Variants in TNN observed in about 807,000 individuals in gnomAD.
TNN encodes the protein tenascin N.
TNN carries 122 observed loss-of-function variants against 134.4 expected under a neutral mutation model. The ratio of observed to expected loss-of-function variants is 0.91; its 90% CI spans 0.78 to 1.06. The LOEUF is 1.06. Among genes scored for constraint, TNN ranks in the 50% least tolerant of loss-of-function variants. TNN has a pLI of 0.00. For missense variants in TNN, 1,739 were observed against 1,699.4 expected (o/e 1.02, Z -0.41); for synonymous variants, 710 against 670.3 (o/e 1.06, Z -0.91).
intron 15 of TNN, among the ~76,000 whole-genome samples, chr1:175,131,220 G>A (rs576327395): frequency 2.0e-5 from 3 of 152,278 alleles, no homozygotes; most frequent in African/African-American, 7.2e-5. Flanking sequence ...CTGGTGGGAG[G>A]CTGGAAAGAA....
At chr1:175,126,104 C>CT (rs11410834) in intron 12 of TNN, among the ~76,000 whole-genome samples, 52,075 of 133,036 alleles carry the variant, frequency 0.39, 11,218 homozygotes, top group East Asian at 0.67. Flanking sequence ...TTGTTTCTTT[C>CT]TTTTTTTTTT....
In TNN at chr1:175,105,555, G is replaced by A. The variant is rs547485562; in HGVS notation, c.2119+6960G>A. Among the ~76,000 whole-genome samples the A allele has an allele frequency of 4.8e-5, 7 of 145,508 alleles. 2 individuals are homozygous for A. The East Asian group carries it at 1.6e-3, about 34-fold the overall frequency. ...TTCTCCCTCAATGAAAAGAAAGCTT[G>A]GACATAAGGTATTTCACTCCATTTG... On this transcript the variant is annotated intron_variant, in intron 9 of 18. Transcript: ENST00000239462.
At chr1:175,087,046 C>T (rs1674336498) in intron 6 of TNN, among the ~76,000 whole-genome samples, 1 of 152,214 alleles carries the variant, frequency 6.6e-6, no homozygotes, top group Admixed American at 6.5e-5. Context: ...AAGGACAGAG[C>T]TGGGATTTGA....
chr1:175,109,674 T>A (rs550109949), intron 9 of TNN, among the ~76,000 whole-genome samples: 314 of 147,332 alleles, frequency 2.1e-3, no homozygotes, highest in African/African-American at 7.2e-3. Context: ...ATATATATAT[T>A]ATATATATAT....
intron 1 of TNN, 134 bp downstream of exon 1, chr1:175,068,069 C>T (rs1283641433): frequency 2.5e-6 from 1 of 403,276 alleles, no homozygotes; most frequent in South Asian, 1.8e-5. Flanking sequence ...AGTCTCCTAT[C>T]ACCTCCATGA....
chr1:175,071,104 T>G (rs1673905342), intron 1 of TNN, among the ~76,000 whole-genome samples: 1 of 152,192 alleles, frequency 6.6e-6, no homozygotes, highest in African/African-American at 2.4e-5. Flanking sequence ...GATGATACAC[T>G]TTTTCTAAAA....
At chr1:175,101,234 T>A (rs1276624508) in intron 9 of TNN, among the ~76,000 whole-genome samples, 1 of 152,092 alleles carries the variant, frequency 6.6e-6, no homozygotes, top group Non-Finnish European at 1.5e-5. Context: ...GGGTTCGTGG[T>A]CTCTGGTCTC....
chr1:175,101,956 G>T (rs1674734971), intron 9 of TNN, among the ~76,000 whole-genome samples: 1 of 141,368 alleles, frequency 7.1e-6, no homozygotes. Flanking sequence ...TAGACATAAA[G>T]GTCCTCCACG....
Position 175,077,712 on chromosome 1 carries a change from C to A in TNN, c.294C>A (p.Asp98Glu). 3.1e-6 allele frequency: 5 copies of A among 1,614,220 alleles called. No individual in the cohort carries two copies. The highest frequency in any genetic ancestry group is 4.2e-6 in the Non-Finnish European group (5 of 1,180,040). The part of the protein sequence containing the change: ...HNIRLQTPQK[D>E]CELAGSVQDL... ...TCCGCCTTCAGACGCCACAGAAGGACTGCGAGTTGGCAGGCAGTGTCCAGG... is the reference window on the plus strand; with the variant it reads ...TCCGCCTTCAGACGCCACAGAAGGAATGCGAGTTGGCAGGCAGTGTCCAGG... The change falls in exon 2 of 19, where the codon GAC becomes GAA. Residue 98 changes from aspartate (D) to glutamate (E), a missense_variant. Physicochemically the swap from Asp to Glu is conservative, Grantham distance 45 (BLOSUM62 2). Coordinates refer to ENST00000239462, the MANE Select transcript of TNN (RefSeq NM_022093.2).
chr1:175,116,947 A>T lies in TNN; in HGVS notation c.2128A>T (p.Ser710Cys), dbSNP rs552393367. Residue 710 changes from serine (S) to cysteine (C), a missense_variant, in exon 10 of 19, where the codon AGC becomes TGC. Transcript: ENST00000239462. ...GCAATTTTTTTTTTCAGACATTGAC[A>T]GCCCCCAAAACCTGGTGACCGACCG... The part of the protein sequence containing the change: ...ADTKAQTDID[S>C]PQNLVTDRVT... 6.2e-7 allele frequency: 1 copy of T among 1,614,176 alleles called. No individual in the cohort carries two copies. The highest frequency in any genetic ancestry group is 2.2e-5 in the East Asian group (1 of 44,890).
chr1:175,068,292 C>T (rs1034446054), intron 1 of TNN, among the ~76,000 whole-genome samples: 3 of 151,898 alleles, frequency 2.0e-5, no homozygotes, highest in Non-Finnish European at 2.9e-5. Context: ...TTTTAACTTA[C>T]TTACAATGTC....
chr1:175,118,910 C>T, intron 11 of TNN, 86 bp downstream of exon 11: 1 of 1,536,314 alleles, frequency 6.5e-7, no homozygotes, highest in Non-Finnish European at 8.8e-7. Flanking sequence ...CTGCTTTTGG[C>T]ATCTGTAACC....
At chr1:175,114,295 G>A (rs1370268683) in intron 9 of TNN, among the ~76,000 whole-genome samples, 1 of 152,188 alleles carries the variant, frequency 6.6e-6, no homozygotes, top group Admixed American at 6.5e-5. Context: ...TCTTTGTGCA[G>A]CTTCTTTGGC....
rs138162510 is a variant in TNN at position 175,126,582 on chromosome 1, C to G, written c.2915-373C>G. On this transcript the variant is annotated intron_variant, in intron 12 of 18. Coordinates refer to ENST00000239462, the MANE Select transcript of TNN (RefSeq NM_022093.2). ...GTCACCCTGGTTTCTTTGTGCATGGCCCTTTCAGATCTGTGGCCCTCTTAT... is the reference window on the plus strand; with the variant it reads ...GTCACCCTGGTTTCTTTGTGCATGGGCCTTTCAGATCTGTGGCCCTCTTAT... 1.4e-3 allele frequency among the ~76,000 whole-genome samples: 206 copies of G among 152,260 alleles called. 1 individual carries two copies. The highest frequency in any genetic ancestry group is 2.5e-3 in the Non-Finnish European group (173 of 68,020).
intron 6 of TNN, among the ~76,000 whole-genome samples, chr1:175,090,447 GC>G (rs35831070): frequency 0.55 from 83,216 of 151,784 alleles, 23,418 homozygotes; most frequent in African/African-American, 0.69. Flanking sequence ...CACAGGTCCT[GC>G]CCCCCGTGTC....
chr1:175,137,013 C>G (rs370751365), intron 17 of TNN, 25 bp downstream of exon 17: 2 of 1,611,134 alleles, frequency 1.2e-6, no homozygotes, highest in Non-Finnish European at 1.7e-6. Context: ...TTTCTTACTG[C>G]GAAGGTCTCT....
chr1:175,130,813 T>C (rs1452101509), intron 15 of TNN, among the ~76,000 whole-genome samples: 2 of 152,150 alleles, frequency 1.3e-5, no homozygotes. Context: ...CTCATGCAAA[T>C]GACCCCTCCT....
At chr1:175,119,644 T>TTTC (rs1230765733) in intron 11 of TNN, among the ~76,000 whole-genome samples, 1 of 148,470 alleles carries the variant, frequency 6.7e-6, no homozygotes, top group African/African-American at 2.5e-5. Flanking sequence ...TTTTCTTTTT[T>TTTC]TTTTTTTTTT....
At chr1:175,081,725 G>A (rs900664272) in intron 4 of TNN, among the ~76,000 whole-genome samples, 5 of 152,210 alleles carry the variant, frequency 3.3e-5, no homozygotes, top group Non-Finnish European at 7.3e-5. Flanking sequence ...TAGCATGGGT[G>A]ACTGCACACT....
Sources: allele counts gnomAD v4.1 joint callset (sites outside exome capture counted in the v4.1 genomes callset), GRCh38; gene constraint gnomAD v4.1.1; transcripts MANE v1.5; gene names NCBI Gene and HGNC (gene_info 2026-07-23, HGNC 2026-07-21).